Variants in OPCML observed in about 807,000 individuals in gnomAD.
OPCML encodes the protein opioid-binding protein/cell adhesion molecule.
Under a neutral mutation model 37.8 loss-of-function variants are expected in OPCML, and 13 were observed. The observed-to-expected ratio is 0.34, with a 90% CI of 0.22 to 0.55. The LOEUF (loss-of-function observed/expected upper bound fraction) is 0.55, where lower values mean the gene tolerates loss of function less well. Among genes scored for constraint, OPCML ranks in the 20% least tolerant of loss-of-function variants. The pLI is 0.91. For synonymous variants in OPCML, 176 were observed against 168.8 expected, an observed-to-expected ratio of 1.04 and a Z score of -0.33; for missense variants, 341 against 435.6, an observed-to-expected ratio of 0.78 and a Z score of 1.93.
chr11:133,076,905 C>A (rs1948629459), intron 1 of OPCML, among the ~76,000 whole-genome samples: 1 of 152,072 alleles, frequency 6.6e-6, no homozygotes, highest in Admixed American at 6.5e-5. Context: ...AAAAAGATTG[C>A]AGTTGATTGA....
intron 2 of OPCML, among the ~76,000 whole-genome samples, chr11:132,811,674 C>G (rs573742920): frequency 6.6e-6 from 1 of 152,228 alleles, no homozygotes; most frequent in South Asian, 2.1e-4. Context: ...GTTAATGAAC[C>G]CCCAACAGCC....
intron 1 of OPCML, among the ~76,000 whole-genome samples, chr11:133,378,941 A>T (rs921430055): frequency 1.3e-5 from 2 of 151,906 alleles, no homozygotes; most frequent in African/African-American, 4.8e-5. Flanking sequence ...ATTTTTGTAG[A>T]GACGGGGTTC....
chr11:133,090,478 G>A (rs189882353), intron 1 of OPCML, among the ~76,000 whole-genome samples: 169 of 152,310 alleles, frequency 1.1e-3, no homozygotes, highest in African/African-American at 3.9e-3. Context: ...AATATTGGTA[G>A]AAATATAGAT....
At chr11:132,652,385 C>CACACAG (rs3222177) in intron 3 of OPCML, among the ~76,000 whole-genome samples, 9 of 126,948 alleles carry the variant, frequency 7.1e-5, no homozygotes, top group Admixed American at 1.5e-4. Flanking sequence ...CACACACACA[C>CACACAG]AGAGAGAGAA....
Position 132,953,838 on chromosome 11 carries a change from G to A in OPCML, c.62-10828C>T, listed in dbSNP as rs7129883. On this transcript the variant is annotated intron_variant, in intron 1 of 7. Transcript: ENST00000524381. ...CCCAGGATTCCTCCTTGGTTGCATG[G>A]GAAAAACAACATTTTTTTATTTAAA... Among the ~76,000 whole-genome samples, 1,198 of 152,206 alleles carry A rather than the reference G, an allele frequency of 7.9e-3. 19 individuals are homozygous for A. The highest frequency in any genetic ancestry group is 0.027 in the African/African-American group (1,140 of 41,538).
intron 1 of OPCML, chr11:133,422,267 C>G: frequency 1.0e-6 from 1 of 984,014 alleles, no homozygotes; most frequent in Non-Finnish European, 1.2e-6. Flanking sequence ...ACAAGTGTGT[C>G]GTGGGACTCA....
intron 1 of OPCML, among the ~76,000 whole-genome samples, chr11:133,456,195 T>C (rs1946668399): frequency 6.6e-6 from 1 of 152,206 alleles, no homozygotes; most frequent in South Asian, 2.1e-4. Context: ...TGATAAAGCA[T>C]CTAATTTGCC....
intron 2 of OPCML, among the ~76,000 whole-genome samples, chr11:132,740,920 G>A (rs967336286): frequency 3.3e-5 from 5 of 152,106 alleles, no homozygotes; most frequent in Non-Finnish European, 7.3e-5. Context: ...TGATATAACG[G>A]TATGCAGCAC....
intron 1 of OPCML, among the ~76,000 whole-genome samples, chr11:132,982,448 C>T (rs1021733800): frequency 6.6e-6 from 1 of 151,530 alleles, no homozygotes; most frequent in African/African-American, 2.4e-5. Context: ...CTTCATAATT[C>T]CTTCACAATA....
chr11:132,576,276 C>T (rs1415533349), intron 3 of OPCML, among the ~76,000 whole-genome samples: 1 of 151,858 alleles, frequency 6.6e-6, no homozygotes, highest in African/African-American at 2.4e-5. Flanking sequence ...TCTTTAACAC[C>T]CATAATGCAT....
chr11:133,312,372 C>T (rs562751055), intron 1 of OPCML, among the ~76,000 whole-genome samples: 48 of 152,282 alleles, frequency 3.2e-4, no homozygotes, highest in African/African-American at 1.1e-3. Flanking sequence ...TTGTTTCGCA[C>T]GGATTCTCTG....
Position 132,436,422 on chromosome 11 carries a change from C to T in OPCML, c.765-185G>A, listed in dbSNP as rs77065243. The T allele has an allele frequency of 2.7e-3, 2,653 of 968,060 alleles. 52 individuals are homozygous for T. The African/African-American group carries it at 0.042, about 15-fold the overall frequency. The allele number at this position is 968,060 out of a possible 1,614,324, so 60.0% of individuals were successfully genotyped here. A position where few individuals can be genotyped will look rare whatever the true frequency, so the allele number is the denominator to read the frequency against. On this transcript the variant is annotated intron_variant, in intron 6 of 7. Coordinates refer to ENST00000524381, the MANE Select transcript of OPCML (RefSeq NM_001012393.5). The stretch of plus-strand genomic sequence containing the variant: ...AAATGTACTGGCTTCTAATTCCCAA[C>T]GACTGACATGTCTACAACCAGTCTC...
At chr11:133,439,691 T>C (rs1015895494) in intron 1 of OPCML, among the ~76,000 whole-genome samples, 5 of 151,956 alleles carry the variant, frequency 3.3e-5, no homozygotes, top group Non-Finnish European at 7.4e-5. Flanking sequence ...ATGGTCTCGA[T>C]CTCCTGACTT....
intron 1 of OPCML, among the ~76,000 whole-genome samples, chr11:133,293,950 G>A (rs1455909198): frequency 1.3e-5 from 2 of 148,316 alleles, no homozygotes; most frequent in African/African-American, 2.5e-5. Context: ...GCATCCAGAT[G>A]GTTTACAAAG....
intron 2 of OPCML, among the ~76,000 whole-genome samples, chr11:132,662,978 G>T (rs759676578): frequency 1.2e-4 from 19 of 152,182 alleles, no homozygotes; most frequent in Non-Finnish European, 2.6e-4. Flanking sequence ...ATGCCTTTAT[G>T]TTTCCTCCTT....
intron 1 of OPCML, among the ~76,000 whole-genome samples, chr11:133,199,591 AG>A (rs917657547): frequency 6.6e-6 from 1 of 152,160 alleles, no homozygotes; most frequent in Non-Finnish European, 1.5e-5. Flanking sequence ...GTTGATGTTA[AG>A]AAGTCTTGGT....
rs146229909 is a variant in OPCML, at chr11:133,060,087, T to C, written c.62-117077A>G. On this transcript the variant is annotated intron_variant, in intron 1 of 7. Coordinates refer to ENST00000524381, the MANE Select transcript of OPCML (RefSeq NM_001012393.5). ...TTTTAAGGCCGTTCCTTTCTCTGGA[T>C]CTCATGCTACTAAACTTCAAAAAAT... Among the ~76,000 whole-genome samples the C allele has an allele frequency of 4.9e-4, 75 of 152,240 alleles. No homozygotes were observed. In the East Asian group the frequency reaches 0.014, roughly 27 times the overall value.
chr11:133,087,093 C>T (rs900435255), intron 1 of OPCML, among the ~76,000 whole-genome samples: 15 of 152,246 alleles, frequency 9.9e-5, no homozygotes, highest in South Asian at 4.2e-4. Context: ...ATTTAACAGA[C>T]GACGAACTTA....
chr11:132,562,743 G>A (rs1002451446), intron 3 of OPCML, among the ~76,000 whole-genome samples: 4 of 152,014 alleles, frequency 2.6e-5, no homozygotes, highest in East Asian at 3.9e-4. Flanking sequence ...CAAGCAGAAC[G>A]ATGCTATCTG....
Sources: gnomAD v4.1 joint callset for allele counts (sites outside exome capture counted in the v4.1 genomes callset) on GRCh38, gnomAD v4.1.1 for gene constraint, MANE v1.5 for transcripts, NCBI Gene and HGNC (gene_info 2026-07-23, HGNC 2026-07-21) for gene names.